Variants in PSD3 observed in about 807,000 individuals in gnomAD.
PSD3 encodes the protein PH and SEC7 domain-containing protein 3.
Under a neutral mutation model 105.5 loss-of-function variants are expected in PSD3, and 49 were observed. That is an observed-to-expected ratio of 0.46 (90% CI 0.37 to 0.59). The LOEUF is 0.59. Among genes scored for constraint, PSD3 ranks in the 20% least tolerant of loss-of-function variants. The pLI is 0.00. For missense variants in PSD3, 1,561 were observed against 1,263.8 expected, an observed-to-expected ratio of 1.24 and a Z score of -3.57; for synonymous variants, 557 against 457.8, an observed-to-expected ratio of 1.22 and a Z score of -2.77.
At chr8:18,578,383 C>A (rs180982330) in intron 12 of PSD3, among the ~76,000 whole-genome samples, 2 of 152,184 alleles carry the variant, frequency 1.3e-5, no homozygotes, top group African/African-American at 2.4e-5. Context: ...CCAGTGCCAA[C>A]CTACAATTCT....
intron 1 of PSD3, among the ~76,000 whole-genome samples, chr8:18,968,494 C>T (rs1426917): frequency 0.19 from 28,563 of 152,212 alleles, 3,091 homozygotes; most frequent in Non-Finnish European, 0.24. Flanking sequence ...TCACATCACA[C>T]GATGCACGCT....
At chr8:18,975,196 C>T (rs563566136) in intron 1 of PSD3, among the ~76,000 whole-genome samples, 177 of 152,124 alleles carry the variant, frequency 1.2e-3, no homozygotes, top group Non-Finnish European at 1.9e-3. Flanking sequence ...CTAGTCCCCC[C>T]GTTTTCTACA....
chr8:18,804,637 G>A (rs1007451165), intron 5 of PSD3, 35 bp from the exon 6 acceptor site: 2 of 1,610,952 alleles, frequency 1.2e-6, no homozygotes, highest in Non-Finnish European at 1.7e-6. Context: ...GTTATTGAAA[G>A]GTAAACTATT....
rs543640992 is a variant in PSD3 at position 18,715,051 on chromosome 8, G to A, written c.2172+50398C>T. On this transcript the variant is annotated intron_variant, in intron 9 of 15. Coordinates refer to ENST00000327040, the MANE Select transcript of PSD3 (RefSeq NM_015310.4). Reference sequence around the variant, plus strand: ...AGGAAAAGAAAACCAAACACTGCATGTTCTCACTCATAAGTGGGAGATGAA... The same window carrying A: ...AGGAAAAGAAAACCAAACACTGCATATTCTCACTCATAAGTGGGAGATGAA... 1.7e-3 allele frequency among the ~76,000 whole-genome samples: 265 copies of A among 152,310 alleles called. 1 individual carries two copies. Among genetic ancestry groups the A allele is most frequent in the Admixed American group, 3.6e-3 (55 of 15,308 alleles).
intron 9 of PSD3, among the ~76,000 whole-genome samples, chr8:18,700,475 T>C (rs11998342): frequency 0.12 from 18,375 of 152,174 alleles, 3,006 homozygotes; most frequent in African/African-American, 0.37. Flanking sequence ...TGAGAGGCTA[T>C]CTCCCATGCT....
intron 9 of PSD3, among the ~76,000 whole-genome samples, chr8:18,666,468 G>A (rs1478594859): frequency 6.6e-6 from 1 of 152,184 alleles, no homozygotes; most frequent in African/African-American, 2.4e-5. Flanking sequence ...TCCAAGGTCT[G>A]CCTGTTTAAA....
chr8:18,704,771 G>A (rs567127162), intron 9 of PSD3, among the ~76,000 whole-genome samples: 18 of 152,052 alleles, frequency 1.2e-4, no homozygotes, highest in African/African-American at 3.9e-4. Flanking sequence ...TCCAGCTTAT[G>A]ATTAAAAACT....
intron 11 of PSD3, among the ~76,000 whole-genome samples, chr8:18,602,386 T>C (rs564447193): frequency 6.6e-5 from 10 of 152,254 alleles, no homozygotes; most frequent in African/African-American, 2.4e-4. Context: ...AGTCAGTTAC[T>C]TAGTAACTGA....
chr8:18,936,560 G>A (rs1586471818), intron 1 of PSD3, among the ~76,000 whole-genome samples: 2 of 152,020 alleles, frequency 1.3e-5, no homozygotes, highest in African/African-American at 2.4e-5. Flanking sequence ...TCAGGAGTTC[G>A]AGACCAGCCT....
intron 11 of PSD3, among the ~76,000 whole-genome samples, chr8:18,622,178 A>C (rs1806162174): frequency 6.6e-6 from 1 of 152,254 alleles, no homozygotes; most frequent in African/African-American, 2.4e-5. Context: ...TTTCAAATTC[A>C]GAACTAATCT....
chr8:19,071,871 G>A (rs113873089), intron 1 of PSD3, among the ~76,000 whole-genome samples: 42,743 of 151,568 alleles, frequency 0.28, 6,292 homozygotes, highest in South Asian at 0.36. Context: ...CACCACACCC[G>A]GCTAATTTTT....
chr8:18,645,234 G>A (rs2130812701), intron 10 of PSD3, among the ~76,000 whole-genome samples: 1 of 152,336 alleles, frequency 6.6e-6, no homozygotes, highest in African/African-American at 2.4e-5. Flanking sequence ...CATAGCAAGA[G>A]TCTTCCTTAA....
At chr8:18,877,539 C>A (rs1817803909) in intron 2 of PSD3, among the ~76,000 whole-genome samples, 1 of 138,134 alleles carries the variant, frequency 7.2e-6, no homozygotes. Flanking sequence ...AGATGCCTAT[C>A]TTTTTTTTTT....
At chr8:18,861,460 T>A (rs1013013924) in intron 4 of PSD3, among the ~76,000 whole-genome samples, 4 of 152,074 alleles carry the variant, frequency 2.6e-5, no homozygotes, top group Non-Finnish European at 4.4e-5. Context: ...TGACCTTCAG[T>A]CCCATATTCC....
intron 1 of PSD3, among the ~76,000 whole-genome samples, chr8:18,981,193 G>A (rs1405989841): frequency 6.6e-6 from 1 of 152,020 alleles, no homozygotes; most frequent in Non-Finnish European, 1.5e-5. Flanking sequence ...ACCACATAAT[G>A]GATACTCAAT....
chr8:18,615,990 G>T (rs1415338707), intron 11 of PSD3, among the ~76,000 whole-genome samples: 1 of 152,016 alleles, frequency 6.6e-6, no homozygotes, highest in Non-Finnish European at 1.5e-5. Flanking sequence ...CTGATGAGCA[G>T]CCTCCAGACA....
At chr8:18,699,908 T>C (rs776459154) in intron 9 of PSD3, among the ~76,000 whole-genome samples, 2 of 151,884 alleles carry the variant, frequency 1.3e-5, no homozygotes, top group African/African-American at 4.8e-5. Context: ...ATTCCGCTCC[T>C]ATATTTTCCT....
chr8:18,556,278 G>C lies in PSD3; in HGVS notation c.2859C>G (p.Pro953=), dbSNP rs756620609. The C allele has an allele frequency of 1.2e-6, 2 of 1,614,046 alleles. No homozygotes were observed. Among genetic ancestry groups the C allele is most frequent in the Non-Finnish European group, 1.7e-6 (2 of 1,179,984 alleles). ...CCTTGGCTTTGACCTTCTTGTCGGG[G>C]GGATATGAGCGGTGCTCGGCCAGCT... ...TTELAEHRSY[P]PDKKVKAKDV... is the part of the protein sequence containing the mutation. Residue 953 remains proline, a synonymous_variant, in exon 15 of 16, where the codon CCC becomes CCG. Coordinates refer to ENST00000327040, the MANE Select transcript of PSD3 (RefSeq NM_015310.4).
intron 9 of PSD3, among the ~76,000 whole-genome samples, chr8:18,662,499 A>T (rs1285976310): frequency 3.9e-5 from 6 of 152,238 alleles, no homozygotes; most frequent in African/African-American, 1.4e-4. Context: ...CTTGAGAGAA[A>T]GATTTGATAA....
Sources: gnomAD v4.1 joint callset for allele counts (sites outside exome capture counted in the v4.1 genomes callset) on GRCh38, gnomAD v4.1.1 for gene constraint, MANE v1.5 for transcripts, NCBI Gene and HGNC (gene_info 2026-07-23, HGNC 2026-07-21) for gene names.